Variants in ERMP1 observed in about 807,000 individuals in gnomAD.
ERMP1 encodes the protein Felix-ina.
ERMP1 carries 86 observed loss-of-function variants against 92.0 expected under a neutral mutation model. The observed-to-expected ratio is 0.93, with a 90% CI of 0.79 to 1.12. The LOEUF (loss-of-function observed/expected upper bound fraction) is 1.12. Ranked by LOEUF, ERMP1 falls within the 50% of genes most tolerant of loss-of-function variation. ERMP1 has a pLI of 0.00. For missense variants in ERMP1, 1,342 were observed against 1,116.3 expected, an observed-to-expected ratio of 1.20 and a Z score of -2.88; for synonymous variants, 530 against 412.8, an observed-to-expected ratio of 1.28 and a Z score of -3.44.
intron 6 of ERMP1, among the ~76,000 whole-genome samples, chr9:5,848,230 T>G (rs1005406122): frequency 6.6e-6 from 1 of 152,120 alleles, no homozygotes; most frequent in African/African-American, 2.4e-5. Context: ...GTTATCTGGG[T>G]GGGCCTGATG....
At chr9:5,793,498 C>T (rs372802429) in intron 13 of ERMP1, among the ~76,000 whole-genome samples, 4 of 152,042 alleles carry the variant, frequency 2.6e-5, no homozygotes, top group African/African-American at 9.7e-5. Context: ...AATTAAAAGA[C>T]AGAGCGTCAG....
At chr9:5,803,069 G>C (rs1437161608) in intron 10 of ERMP1, among the ~76,000 whole-genome samples, 4 of 152,088 alleles carry the variant, frequency 2.6e-5, no homozygotes, top group Admixed American at 2.0e-4. Flanking sequence ...AAAAAACCGT[G>C]ATTGCTTGAC....
chr9:5,840,145 G>C (rs781573255), intron 6 of ERMP1, among the ~76,000 whole-genome samples: 2 of 152,224 alleles, frequency 1.3e-5, no homozygotes, highest in African/African-American at 4.8e-5. Context: ...AAGAGGCTGA[G>C]GCAGGAGAAT....
intron 6 of ERMP1, among the ~76,000 whole-genome samples, chr9:5,838,300 G>C (rs898326496): frequency 2.6e-5 from 4 of 151,996 alleles, no homozygotes; most frequent in Non-Finnish European, 5.9e-5. Flanking sequence ...CCAGCACTTC[G>C]GAAGGTCGAG....
At chr9:5,803,100 G>A (rs1828735209) in intron 10 of ERMP1, among the ~76,000 whole-genome samples, 1 of 152,100 alleles carries the variant, frequency 6.6e-6, no homozygotes, top group Non-Finnish European at 1.5e-5. Flanking sequence ...TTGCTTTCTA[G>A]CAGATGTATT....
At chr9:5,818,190 A>G (rs1829394508) in intron 4 of ERMP1, among the ~76,000 whole-genome samples, 1 of 152,014 alleles carries the variant, frequency 6.6e-6, no homozygotes, top group South Asian at 2.1e-4. Flanking sequence ...ATTCAAGACT[A>G]TGACTACAGA....
At chr9:5,845,205 TTA>T (rs1830221321) in intron 6 of ERMP1, among the ~76,000 whole-genome samples, 2 of 151,868 alleles carry the variant, frequency 1.3e-5, no homozygotes, top group Non-Finnish European at 2.9e-5. Flanking sequence ...TTGTTTCTTC[TTA>T]AAGTTTTAAT....
intron 13 of ERMP1, among the ~76,000 whole-genome samples, chr9:5,796,515 G>C (rs773895290): frequency 7.9e-5 from 12 of 151,932 alleles, no homozygotes; most frequent in Admixed American, 7.2e-4. Flanking sequence ...GATAACTGCT[G>C]TACATCTACA....
chr9:5,824,014 G>C lies in ERMP1; in HGVS notation c.769-13C>G, dbSNP rs749167752. Reference sequence around the variant, plus strand: ...AACCATGACTGGCCTTAAAGAGAAGGAAAGAAAACAAATATTTGTTAAACA... The same window carrying C: ...AACCATGACTGGCCTTAAAGAGAAGCAAAGAAAACAAATATTTGTTAAACA... On this transcript the variant is annotated splice_polypyrimidine_tract_variant and intron_variant, in intron 3 of 14. Coordinates refer to ENST00000339450, the MANE Select transcript of ERMP1 (RefSeq NM_024896.3). 36 of 1,584,574 alleles carry C rather than the reference G, an allele frequency of 2.3e-5. No individual in the cohort carries two copies. Among genetic ancestry groups the C allele is most frequent in the Admixed American group, 1.0e-4 (6 of 57,422 alleles).
chr9:5,793,158 A>AT (rs1397259295), intron 13 of ERMP1, among the ~76,000 whole-genome samples: 1 of 152,088 alleles, frequency 6.6e-6, no homozygotes, highest in East Asian at 1.9e-4. Context: ...AATTAGGATT[A>AT]TTTTGTTATT....
Position 5,786,337 on chromosome 9 carries a change from A to G in ERMP1, c.*807T>C, listed in dbSNP as rs1472994718. On this transcript the variant is annotated 3_prime_UTR_variant, in exon 15 of 15. Transcript: ENST00000339450. ...CTGAGGAAGGAAGTTAAGGTCATGTACTGGCACAAACAATATTCTGAACCA... is the reference window on the plus strand; with the variant it reads ...CTGAGGAAGGAAGTTAAGGTCATGTGCTGGCACAAACAATATTCTGAACCA... The G allele has an allele frequency of 6.6e-6, 1 of 152,250 alleles. No individual in the cohort carries two copies. Among genetic ancestry groups the G allele is most frequent in the Non-Finnish European group, 1.5e-5 (1 of 68,048 alleles). 9.4% of individuals were successfully genotyped at this position (152,250 alleles called of 1,614,324 possible). A position where few individuals can be genotyped will look rare whatever the true frequency, so the allele number is the denominator to read the frequency against.
In ERMP1 at chr9:5,805,037, G is replaced by T. The variant is rs763187395; in HGVS notation, c.1904C>A (p.Ser635Ter). The T allele has an allele frequency of 6.2e-7, 1 of 1,604,028 alleles. No homozygotes were observed. Among genetic ancestry groups the T allele is most frequent in the Non-Finnish European group, 8.5e-7 (1 of 1,177,562 alleles). The change falls in exon 10 of 15, where the codon TCG (serine) becomes TAG (stop). Residue 635 changes from serine to a stop codon, truncating the protein, a stop_gained. Transcript: ENST00000339450. LOFTEE classifies it high-confidence loss of function. ...SILAGCTMIL[S>*]SYFINFIYLA... is the part of the protein sequence containing the mutation. Reference sequence around the variant, plus strand: ...CTTATTTTCTCTTACAAAATAGGACGAGAGAATCATTGTACAGCCAGCCAA... The same window carrying T: ...CTTATTTTCTCTTACAAAATAGGACTAGAGAATCATTGTACAGCCAGCCAA...
Position 5,832,980 on chromosome 9 carries a change from TCCGACGCGGTGCC to T in ERMP1, c.35_47del (p.Arg12GlnfsTer2). ...CCGCCGCTCCCTCTCGACGCTCTACTCCGACGCGGTGCCGCCTCACAGCAGCCGACTCAGAACC... is the reference window on the plus strand; with the variant it reads ...CCGCCGCTCCCTCTCGACGCTCTACTGCCTCACAGCAGCCGACTCAGAACC... On this transcript the variant is annotated frameshift_variant, in exon 1 of 15. Coordinates refer to ENST00000339450, the MANE Select transcript of ERMP1 (RefSeq NM_024896.3). LOFTEE classifies it high-confidence loss of function. 1 of 1,561,864 alleles carries T rather than the reference TCCGACGCGGTGCC, an allele frequency of 6.4e-7. No homozygotes were observed. The highest frequency in any genetic ancestry group is 8.6e-7 in the Non-Finnish European group (1 of 1,165,022).
intron 4 of ERMP1, among the ~76,000 whole-genome samples, chr9:5,822,102 A>G (rs1175847865): frequency 6.6e-6 from 1 of 152,096 alleles, no homozygotes; most frequent in Non-Finnish European, 1.5e-5. Flanking sequence ...AAAAAAGGAA[A>G]TTAGCCGGGC....
chr9:5,810,263 C>A (rs766396589), intron 7 of ERMP1, 32 bp from the exon 8 acceptor site: 22 of 1,513,280 alleles, frequency 1.5e-5, no homozygotes, highest in Non-Finnish European at 1.9e-5. Flanking sequence ...GTTGAAATCA[C>A]CATCTTCATC....
chr9:5,813,108 C>T, intron 4 of ERMP1, 73 bp from the exon 5 acceptor site: 3 of 1,521,548 alleles, frequency 2.0e-6, no homozygotes, highest in Non-Finnish European at 2.7e-6. Flanking sequence ...TTTTTCAACA[C>T]ATAGAAAACA....
At chr9:5,844,278 T>C (rs1316758549) in intron 6 of ERMP1, among the ~76,000 whole-genome samples, 1 of 152,194 alleles carries the variant, frequency 6.6e-6, no homozygotes, top group East Asian at 1.9e-4. Context: ...TTTGTTTGTT[T>C]GTTCGTTTGT....
rs760516678 is a variant in ERMP1 at position 5,832,743 on chromosome 9, G to A, written c.285C>T (p.Leu95=). The A allele has an allele frequency of 3.3e-5, 50 of 1,496,634 alleles. No individual in the cohort carries two copies. The African/African-American group carries it at 6.2e-4, about 19-fold the overall frequency. 92.7% of individuals were successfully genotyped at this position (1,496,634 alleles called of 1,614,324 possible). The change falls in exon 1 of 15, where the codon CTC becomes CTT. Residue 95 remains leucine, a synonymous_variant. Coordinates refer to ENST00000339450, the MANE Select transcript of ERMP1 (RefSeq NM_024896.3). ...RTLVQLSLQQ[L]VLRGAAGHRG... is the part of the protein sequence containing the mutation. ...GGTGTCCAGCGGCCCCGCGTAGCAC[G>A]AGCTGCTGCAGCGAGAGCTGCACCA...
Position 5,785,262 on chromosome 9 carries a change from G to C in ERMP1, c.*1882C>G, listed in dbSNP as rs551519199. ...AGAGTAAAGGCATCCTTCCCATAGA[G>C]GGGGGGAATTCACAGGGAACACTAA... On this transcript the variant is annotated 3_prime_UTR_variant, in exon 15 of 15. Coordinates refer to ENST00000339450, the MANE Select transcript of ERMP1 (RefSeq NM_024896.3). 1.3e-5 allele frequency: 2 copies of C among 151,854 alleles called. No individual in the cohort carries two copies. Among genetic ancestry groups the C allele is most frequent in the Admixed American group, 1.3e-4 (2 of 15,236 alleles). 9.4% of individuals were successfully genotyped at this position (151,854 alleles called of 1,614,324 possible). A position where few individuals can be genotyped will look rare whatever the true frequency, so the allele number is the denominator to read the frequency against.
Sources: allele counts gnomAD v4.1 joint callset (sites outside exome capture counted in the v4.1 genomes callset), GRCh38; gene constraint gnomAD v4.1.1; transcripts MANE v1.5; gene names NCBI Gene and HGNC (gene_info 2026-07-23, HGNC 2026-07-21).